ART1: variants seen among roughly 807,000 people sequenced by gnomAD.
ART1 encodes the protein ADP-ribosyltransferase 1.
In ART1, 29 loss-of-function variants were observed where a neutral mutation model predicts 27.0. The ratio of observed to expected loss-of-function variants is 1.08; its 90% CI spans 0.80 to 1.47. The LOEUF (loss-of-function observed/expected upper bound fraction) is 1.47. Among genes scored for constraint, ART1 ranks in the 40% most tolerant of loss-of-function variants. The pLI is 0.00. For missense variants in ART1, 480 were observed against 423.0 expected, an observed-to-expected ratio of 1.13 and a Z score of -1.18; for synonymous variants, 201 against 172.2, an observed-to-expected ratio of 1.17 and a Z score of -1.31.
intron 1 of ART1, among the ~76,000 whole-genome samples, chr11:3,652,915 G>T (rs1012310994): frequency 6.7e-6 from 1 of 149,452 alleles, no homozygotes; most frequent in Non-Finnish European, 1.5e-5. Context: ...CCAATTCTTA[G>T]ACCTTTTATA....
Position 3,659,289 on chromosome 11 carries a change from C to G in ART1, c.63+13C>G. 6.2e-7 allele frequency: 1 copy of G among 1,614,094 alleles called. No individual in the cohort carries two copies. The highest frequency in any genetic ancestry group is 8.5e-7 in the Non-Finnish European group (1 of 1,180,024). On this transcript the variant is annotated intron_variant, in intron 2 of 4. Coordinates refer to ENST00000250693, the MANE Select transcript of ART1 (RefSeq NM_004314.3). ...GGAAGCACTTCAGGTATGGGCATCC[C>G]CCACTGTTCCCACCCCAGCAGGGAA...
Position 3,660,381 on chromosome 11 carries a change from G to T in ART1, c.844+18G>T. ...CATCAAAGGTAGGAGGGCAAGCGCT[G>T]GTCGGCACCTGTGCGGAAGGTGGAC... On this transcript the variant is annotated intron_variant, in intron 3 of 4. Coordinates refer to ENST00000250693, the MANE Select transcript of ART1 (RefSeq NM_004314.3). 1.3e-6 allele frequency: 2 copies of T among 1,587,478 alleles called. No homozygotes were observed. The highest frequency in any genetic ancestry group is 1.1e-5 in the South Asian group (1 of 90,116).
intron 1 of ART1, among the ~76,000 whole-genome samples, chr11:3,646,665 CT>C (rs2077471442): frequency 1.3e-5 from 2 of 152,196 alleles, no homozygotes; most frequent in Admixed American, 1.3e-4. Flanking sequence ...TCAGCCTTCT[CT>C]TTCCCTTGCT....
chr11:3,653,782 AC>A (rs2077548876), intron 1 of ART1, among the ~76,000 whole-genome samples: 2 of 149,338 alleles, frequency 1.3e-5, no homozygotes, highest in Admixed American at 6.7e-5. Flanking sequence ...TGTAAATTCC[AC>A]CTCCTACCTC....
At chr11:3,645,497 C>T (rs2077464678) in intron 1 of ART1, among the ~76,000 whole-genome samples, 2 of 152,140 alleles carry the variant, frequency 1.3e-5, no homozygotes, top group South Asian at 4.1e-4. Flanking sequence ...TGCTCAGCAT[C>T]CCCAGCTCCT....
At chr11:3,662,155 G>A (rs1001208640) in intron 4 of ART1, among the ~76,000 whole-genome samples, 2 of 152,242 alleles carry the variant, frequency 1.3e-5, no homozygotes, top group Non-Finnish European at 2.9e-5. Context: ...CAGGCTTTTG[G>A]TGCTGGAGGC....
In ART1 at chr11:3,659,182, A is replaced by G. The variant is rs1455363864; in HGVS notation, c.-32A>G. On this transcript the variant is annotated 5_prime_UTR_variant, in exon 2 of 5. Coordinates refer to ENST00000250693, the MANE Select transcript of ART1 (RefSeq NM_004314.3). ...TCCAGATGAGGAAACTGAGACCCAAAAAGAGACAGCAACTGGCCCAGGGTC... is the reference window on the plus strand; with the variant it reads ...TCCAGATGAGGAAACTGAGACCCAAGAAGAGACAGCAACTGGCCCAGGGTC... 3.7e-6 allele frequency: 6 copies of G among 1,612,716 alleles called. No individual in the cohort carries two copies. Among genetic ancestry groups the G allele is most frequent in the Non-Finnish European group, 5.1e-6 (6 of 1,178,890 alleles).
At chr11:3,655,496 A>G (rs567460332) in intron 1 of ART1, 9 of 152,368 alleles carry the variant, frequency 5.9e-5, no homozygotes, top group African/African-American at 2.2e-4. Flanking sequence ...TGTGCTCACA[A>G]AAAACAGGCT....
At chr11:3,655,160 C>T (rs949109729) in intron 1 of ART1, among the ~76,000 whole-genome samples, 2 of 152,190 alleles carry the variant, frequency 1.3e-5, no homozygotes, top group Non-Finnish European at 1.5e-5. Flanking sequence ...GGGCTCAGGT[C>T]TGTTCCTCAC....
At chr11:3,651,167 C>G (rs892844820) in intron 1 of ART1, among the ~76,000 whole-genome samples, 3 of 147,698 alleles carry the variant, frequency 2.0e-5, no homozygotes, top group African/African-American at 7.5e-5. Context: ...CTCTACAACC[C>G]ATTATTCTGT....
chr11:3,651,240 C>T (rs550621253), intron 1 of ART1, among the ~76,000 whole-genome samples: 2,345 of 142,022 alleles, frequency 0.017, 83 homozygotes, highest in African/African-American at 0.064. Flanking sequence ...CCTCTCTTTG[C>T]TTTCACTTAG....
At chr11:3,650,494 C>T (rs762228158) in intron 1 of ART1, among the ~76,000 whole-genome samples, 4 of 152,128 alleles carry the variant, frequency 2.6e-5, no homozygotes, top group African/African-American at 9.7e-5. Context: ...AAAGTAAGTC[C>T]GTCCCCTTCT....
At chr11:3,654,753 G>T (rs2077555829) in intron 1 of ART1, among the ~76,000 whole-genome samples, 1 of 142,056 alleles carries the variant, frequency 7.0e-6, no homozygotes, top group Non-Finnish European at 1.5e-5. Flanking sequence ...TATCCTCACT[G>T]CCATTCTCCC....
intron 1 of ART1, among the ~76,000 whole-genome samples, chr11:3,648,961 CA>C (rs1383698221): frequency 6.6e-6 from 1 of 151,150 alleles, no homozygotes; most frequent in Non-Finnish European, 1.5e-5. Flanking sequence ...CTCTGTGCCC[CA>C]ATCCCTTATT....
At chr11:3,663,936 C>A (rs550718592) in intron 4 of ART1, 156 bp from the exon 5 acceptor site, 1 of 630,124 alleles carries the variant, frequency 1.6e-6, no homozygotes, top group African/African-American at 1.8e-5. Context: ...ATCTTCATCT[C>A]TGTTGCCCGT....
chr11:3,656,795 G>A (rs1253333511), intron 1 of ART1, among the ~76,000 whole-genome samples: 7 of 152,018 alleles, frequency 4.6e-5, no homozygotes, highest in Non-Finnish European at 5.9e-5. Context: ...GCTGGCTGTT[G>A]TTCATAATTT....
At chr11:3,661,829 TTAA>T (rs896433761) in intron 4 of ART1, among the ~76,000 whole-genome samples, 2 of 152,052 alleles carry the variant, frequency 1.3e-5, no homozygotes, top group African/African-American at 4.8e-5. Flanking sequence ...AACAACTGCA[TTAA>T]TAATAAAAAA....
At chr11:3,657,326 G>C (rs902882864) in intron 1 of ART1, among the ~76,000 whole-genome samples, 1 of 152,142 alleles carries the variant, frequency 6.6e-6, no homozygotes, top group Admixed American at 6.5e-5. Context: ...TGTAATCCCA[G>C]CACTTTGGGA....
intron 1 of ART1, chr11:3,655,584 C>G (rs1261717663): frequency 6.6e-6 from 1 of 152,210 alleles, no homozygotes; most frequent in Non-Finnish European, 1.5e-5. Flanking sequence ...TGCATGAGAA[C>G]TATCCACTGT....
Sources: gnomAD v4.1 joint callset for allele counts (sites outside exome capture counted in the v4.1 genomes callset) on GRCh38, gnomAD v4.1.1 for gene constraint, MANE v1.5 for transcripts, NCBI Gene and HGNC (gene_info 2026-07-23, HGNC 2026-07-21) for gene names.